TENM2: variants seen among roughly 807,000 people sequenced by gnomAD.
The protein encoded by TENM2 is teneurin-2.
TENM2 carries 52 observed loss-of-function variants against 245.2 expected under a neutral mutation model. The ratio of observed to expected loss-of-function variants is 0.21; its 90% CI spans 0.17 to 0.27. The LOEUF (loss-of-function observed/expected upper bound fraction) is 0.27, where lower values mean the gene tolerates loss of function less well. Ranked by LOEUF, TENM2 falls within the 10% of genes least tolerant of loss-of-function variation. The probability of loss-of-function intolerance (pLI) is 1.00; values close to 1 mark genes in which losing one functional copy is unlikely to be tolerated. For missense variants in TENM2, 3,046 were observed against 3,666.8 expected, an observed-to-expected ratio of 0.83 and a Z score of 4.37; for synonymous variants, 1,363 against 1,438.9, an observed-to-expected ratio of 0.95 and a Z score of 1.19.
chr5:167,153,098 T>TAC, the TENM2 span, among the ~76,000 whole-genome samples: 36,119 of 147,226 alleles, frequency 0.25, 5,344 homozygotes, highest in African/African-American at 0.43. Flanking sequence ...AATGAATACA[T>TAC]ACACACACAC....
At chr5:167,662,040 G>A (rs1755244957) in intron 2 of TENM2, among the ~76,000 whole-genome samples, 1 of 152,176 alleles carries the variant, frequency 6.6e-6, no homozygotes, top group Non-Finnish European at 1.5e-5. Context: ...TCTATCTATG[G>A]AGTAGGCAGA....
intron 3 of TENM2, among the ~76,000 whole-genome samples, chr5:167,902,089 G>A (rs1234449797): frequency 1.3e-5 from 2 of 152,052 alleles, no homozygotes; most frequent in Non-Finnish European, 2.9e-5. Context: ...GGCCATCTTG[G>A]GTTAGGCTAA....
chr5:167,265,000 A>T, the TENM2 span, among the ~76,000 whole-genome samples: 2 of 152,010 alleles, frequency 1.3e-5, no homozygotes, highest in African/African-American at 4.8e-5. Flanking sequence ...TATTTGAGAG[A>T]CCTTCCTGAG....
At chr5:167,311,894 T>C (rs1756054438) in intron 1 of TENM2, among the ~76,000 whole-genome samples, 1 of 152,204 alleles carries the variant, frequency 6.6e-6, no homozygotes, top group South Asian at 2.1e-4. Flanking sequence ...GTTGTAATGA[T>C]ATTTTGTTAA....
At chr5:167,105,822 A>AG in the TENM2 span, among the ~76,000 whole-genome samples, 6 of 130,774 alleles carry the variant, frequency 4.6e-5, no homozygotes, top group Non-Finnish European at 4.7e-5. Flanking sequence ...CGGGAGGCGG[A>AG]GCTTGCAGTG....
chr5:167,538,539 G>T (rs1771996036), intron 2 of TENM2, among the ~76,000 whole-genome samples: 1 of 152,182 alleles, frequency 6.6e-6, no homozygotes, highest in Admixed American at 6.5e-5. Context: ...ATGTCTGCCA[G>T]ACTTTTCCAT....
At chr5:167,968,160 G>C (rs1014167129) in intron 4 of TENM2, among the ~76,000 whole-genome samples, 1 of 151,908 alleles carries the variant, frequency 6.6e-6, no homozygotes, top group Admixed American at 6.6e-5. Context: ...AGATTTTATG[G>C]GAATGTTTAA....
chr5:167,328,959 G>A (rs1305366801), intron 1 of TENM2, among the ~76,000 whole-genome samples: 2 of 152,078 alleles, frequency 1.3e-5, no homozygotes, highest in Non-Finnish European at 2.9e-5. Context: ...TACCATATCC[G>A]TGATGTCTAA....
chr5:168,134,834 C>A (rs924066215), intron 12 of TENM2, among the ~76,000 whole-genome samples: 1 of 152,226 alleles, frequency 6.6e-6, no homozygotes, highest in Admixed American at 6.5e-5. Flanking sequence ...AACCTGCTGG[C>A]TTCTGGTTCT....
chr5:167,529,629 G>A (rs574133626), intron 2 of TENM2, among the ~76,000 whole-genome samples: 2 of 152,340 alleles, frequency 1.3e-5, no homozygotes, highest in African/African-American at 2.4e-5. Context: ...GTGAAGTCAC[G>A]TGTATGCTCA....
chr5:167,633,611 A>G (rs1779010937), intron 2 of TENM2, among the ~76,000 whole-genome samples: 1 of 152,204 alleles, frequency 6.6e-6, no homozygotes, highest in Non-Finnish European at 1.5e-5. Flanking sequence ...ATCTTTCTAA[A>G]GCAGAACTGA....
intron 3 of TENM2, among the ~76,000 whole-genome samples, chr5:167,904,557 A>G (rs77262611): frequency 1.3e-5 from 2 of 152,200 alleles, no homozygotes; most frequent in African/African-American, 4.8e-5. Flanking sequence ...TCGAGCTTGC[A>G]TGCTTGTATG....
At chr5:168,077,413 G>C (rs1398019577) in intron 7 of TENM2, among the ~76,000 whole-genome samples, 1 of 151,870 alleles carries the variant, frequency 6.6e-6, no homozygotes, top group Non-Finnish European at 1.5e-5. Flanking sequence ...CAGTGAAACA[G>C]ACAAGTCTCC....
the TENM2 span, among the ~76,000 whole-genome samples, chr5:167,274,675 G>T: frequency 7.0e-6 from 1 of 143,066 alleles, no homozygotes; most frequent in South Asian, 2.2e-4. Flanking sequence ...AATTAGTTTT[G>T]TCATTTAAAA....
At chr5:167,832,581 GTGGA>G (rs376405928) in intron 2 of TENM2, among the ~76,000 whole-genome samples, 2 of 152,136 alleles carry the variant, frequency 1.3e-5, no homozygotes. Flanking sequence ...ATGTGCAAGT[GTGGA>G]TGGATGGATG....
intron 7 of TENM2, among the ~76,000 whole-genome samples, chr5:168,089,396 C>G (rs910860517): frequency 6.6e-6 from 1 of 152,156 alleles, no homozygotes; most frequent in African/African-American, 2.4e-5. Context: ...TCACATCAGT[C>G]ACTGCTCAAG....
At chr5:167,101,849 T>TATATATATATATATATATATATA in the TENM2 span, among the ~76,000 whole-genome samples, 5 of 69,436 alleles carry the variant, frequency 7.2e-5, no homozygotes, top group Middle Eastern at 8.9e-3. Context: ...ATATATATAT[T>TATATATATATATATATATATATA]TATATATATA....
chr5:167,321,300 G>A (rs1756706094), intron 1 of TENM2, among the ~76,000 whole-genome samples: 1 of 152,130 alleles, frequency 6.6e-6, no homozygotes, highest in Non-Finnish European at 1.5e-5. Context: ...TTTTGGGGCT[G>A]TTCAGGCCAG....
chr5:167,992,396 T>C (rs1783735106), intron 4 of TENM2, among the ~76,000 whole-genome samples: 1 of 152,246 alleles, frequency 6.6e-6, no homozygotes, highest in African/African-American at 2.4e-5. Flanking sequence ...CAAGTACCTT[T>C]CAATAGTAGG....
Sources: allele counts gnomAD v4.1 joint callset (sites outside exome capture counted in the v4.1 genomes callset), GRCh38; gene constraint gnomAD v4.1.1; transcripts MANE v1.5; gene names NCBI Gene and HGNC (gene_info 2026-07-23, HGNC 2026-07-21).